SYCE2: variants seen among roughly 807,000 people sequenced by gnomAD.
The protein encoded by SYCE2 is synaptonemal complex central element protein 2.
Under a neutral mutation model 27.9 loss-of-function variants are expected in SYCE2, and 3 were observed. That is an observed-to-expected ratio of 0.11 (90% CI 0.05 to 0.28). The LOEUF (loss-of-function observed/expected upper bound fraction) is 0.28. Among genes scored for constraint, SYCE2 ranks in the 10% least tolerant of loss-of-function variants. The probability of loss-of-function intolerance (pLI) is 1.00; values close to 1 mark genes in which losing one functional copy is unlikely to be tolerated. For missense variants in SYCE2, 207 were observed against 263.5 expected, an observed-to-expected ratio of 0.79 and a Z score of 1.48; for synonymous variants, 85 against 100.7, an observed-to-expected ratio of 0.84 and a Z score of 0.93.
intron 2 of SYCE2, among the ~76,000 whole-genome samples, chr19:12,917,945 C>G (rs1464318850): frequency 1.3e-5 from 2 of 152,100 alleles, no homozygotes; most frequent in Non-Finnish European, 2.9e-5. Flanking sequence ...AGGTGTGAAC[C>G]ACTGCACCTG....
In SYCE2 at chr19:12,914,734, C is replaced by T. The variant is rs572998554; in HGVS notation, c.131+3488G>A. ...AAGCGATTCTCCTGCCTAACCCTCC[C>T]AAGTAGCTGGGATTACAGGCATGCA... On this transcript the variant is annotated intron_variant, in intron 2 of 5. Coordinates refer to ENST00000293695, the MANE Select transcript of SYCE2 (RefSeq NM_001105578.2). 2.8e-4 allele frequency among the ~76,000 whole-genome samples: 42 copies of T among 152,304 alleles called. 1 individual carries two copies. In the East Asian group the frequency reaches 6.2e-3, roughly 22 times the overall value.
intron 2 of SYCE2, 32 bp downstream of exon 2, chr19:12,918,190 G>T: frequency 6.4e-7 from 1 of 1,570,606 alleles, no homozygotes; most frequent in South Asian, 1.1e-5. Context: ...CCAGGGGCCT[G>T]TGTAGACCCA....
At chr19:12,906,392 AC>A (rs1970935041) in intron 2 of SYCE2, among the ~76,000 whole-genome samples, 1 of 152,238 alleles carries the variant, frequency 6.6e-6, no homozygotes, top group Admixed American at 6.5e-5. Context: ...TATTGTGTTA[AC>A]AAGTGAAATA....
At chr19:12,902,674 C>T (rs911568690) in intron 3 of SYCE2, among the ~76,000 whole-genome samples, 1 of 151,832 alleles carries the variant, frequency 6.6e-6, no homozygotes, top group Non-Finnish European at 1.5e-5. Context: ...GTGAGCCGGG[C>T]ATGATGTTGC....
At chr19:12,905,770 TG>T (rs1970923042) in intron 2 of SYCE2, among the ~76,000 whole-genome samples, 1 of 152,084 alleles carries the variant, frequency 6.6e-6, no homozygotes. Flanking sequence ...CCTGAATAGG[TG>T]GGACTACAAG....
chr19:12,903,396 C>CT (rs1280694858), intron 3 of SYCE2, among the ~76,000 whole-genome samples: 7,444 of 124,868 alleles, frequency 0.06, 675 homozygotes, highest in African/African-American at 0.2. Context: ...CGGCCCTCTT[C>CT]TTTTTTTTTT....
At chr19:12,919,184 C>G in intron 1 of SYCE2, 59 bp downstream of exon 1, 1 of 1,601,936 alleles carries the variant, frequency 6.2e-7, no homozygotes, top group Non-Finnish European at 8.5e-7. Context: ...GGATCGCAGC[C>G]GTTCCCTGCC....
chr19:12,913,929 G>A (rs1463860999), intron 2 of SYCE2: 1 of 152,226 alleles, frequency 6.6e-6, no homozygotes, highest in Admixed American at 6.5e-5. Flanking sequence ...GGAGAGGGAA[G>A]CTGGCTTGCT....
At position 12,899,068 on chromosome 19, in the gene SYCE2, A is replaced by G; in HGVS notation, c.*273T>C. On this transcript the variant is annotated 3_prime_UTR_variant, in exon 6 of 6. Transcript: ENST00000293695. The stretch of plus-strand genomic sequence containing the variant: ...GTGCTTTCAGCCTCTGTGGCAAGGA[A>G]GCGTGGCCAGGTTGAAAATCAAACA... 1 of 498,952 alleles carries G rather than the reference A, an allele frequency of 2.0e-6. No individual in the cohort carries two copies. The highest frequency in any genetic ancestry group is 3.6e-6 in the Non-Finnish European group (1 of 275,056). 30.9% of individuals were successfully genotyped at this position (498,952 alleles called of 1,614,324 possible). A position where few individuals can be genotyped will look rare whatever the true frequency, so the allele number is the denominator to read the frequency against.
chr19:12,916,680 C>T (rs1269471875), intron 2 of SYCE2, among the ~76,000 whole-genome samples: 7 of 152,196 alleles, frequency 4.6e-5, no homozygotes, highest in African/African-American at 7.2e-5. Context: ...ACTGCAGCCT[C>T]GACCTCCCAG....
intron 5 of SYCE2, chr19:12,899,633 G>C: frequency 6.2e-7 from 1 of 1,612,734 alleles, no homozygotes; most frequent in Non-Finnish European, 8.5e-7. Context: ...GCTTAGAAAG[G>C]GAGGTGGCGG....
intron 3 of SYCE2, among the ~76,000 whole-genome samples, chr19:12,902,815 A>T (rs1000793896): frequency 6.6e-6 from 1 of 152,114 alleles, no homozygotes; most frequent in Admixed American, 6.6e-5. Context: ...TTGTCTCAAA[A>T]AAAAAGAAAA....
intron 3 of SYCE2, among the ~76,000 whole-genome samples, chr19:12,902,408 C>T (rs1970855710): frequency 6.6e-6 from 1 of 152,048 alleles, no homozygotes; most frequent in South Asian, 2.1e-4. Context: ...GAGGCCAAGG[C>T]AGCAGGGTGA....
At chr19:12,913,095 G>A (rs931192133) in intron 2 of SYCE2, among the ~76,000 whole-genome samples, 8 of 152,230 alleles carry the variant, frequency 5.3e-5, no homozygotes, top group African/African-American at 1.9e-4. Flanking sequence ...ATGCAAGTCA[G>A]CCCAACACAG....
At position 12,899,148 on chromosome 19, in the gene SYCE2, G is replaced by A. The variant is rs933926888; in HGVS notation, c.*193C>T. On this transcript the variant is annotated 3_prime_UTR_variant, in exon 6 of 6. Transcript: ENST00000293695. ...AGAACTTGCCAAGGGTGGGGAGCAC[G>A]AAGCCTGGGCCTATGGCAGGGGCTG... is the stretch of plus-strand genomic sequence containing the variant. 2.5e-5 allele frequency: 15 copies of A among 601,366 alleles called. No individual in the cohort carries two copies. The highest frequency in any genetic ancestry group is 1.2e-4 in the Admixed American group (4 of 34,382). The allele number at this position is 601,366 out of a possible 1,614,324, so 37.3% of individuals were successfully genotyped here. A position where few individuals can be genotyped will look rare whatever the true frequency, so the allele number is the denominator to read the frequency against.
chr19:12,899,257 A>C lies in SYCE2; in HGVS notation c.*84T>G. ...CAAGATGCATTATAGAACCATGAAA[A>C]ACAATTTCTCAGTGTGGCCCAAATG... On this transcript the variant is annotated 3_prime_UTR_variant, in exon 6 of 6. Transcript: ENST00000293695. The C allele has an allele frequency of 7.8e-7, 1 of 1,282,712 alleles. No individual in the cohort carries two copies. The highest frequency in any genetic ancestry group is 1.1e-6 in the Non-Finnish European group (1 of 882,106). 79.5% of individuals were successfully genotyped at this position (1,282,712 alleles called of 1,614,324 possible).
chr19:12,912,502 C>T (rs1971065644), intron 2 of SYCE2, among the ~76,000 whole-genome samples: 1 of 152,162 alleles, frequency 6.6e-6, no homozygotes, highest in African/African-American at 2.4e-5. Flanking sequence ...TGCAGCACCC[C>T]AAAGGTTTCA....
intron 3 of SYCE2, among the ~76,000 whole-genome samples, chr19:12,903,244 A>C (rs1358378741): frequency 6.6e-6 from 1 of 151,652 alleles, no homozygotes; most frequent in African/African-American, 2.4e-5. Context: ...GGCGCCCGCC[A>C]CCACGCCCAG....
chr19:12,918,148 C>T, intron 2 of SYCE2, 74 bp downstream of exon 2: 1 of 1,285,850 alleles, frequency 7.8e-7, no homozygotes, highest in Non-Finnish European at 1.1e-6. Flanking sequence ...ACTGGCATAG[C>T]CTTGTGGAAG....
Sources: gnomAD v4.1 joint callset for allele counts (sites outside exome capture counted in the v4.1 genomes callset) on GRCh38, gnomAD v4.1.1 for gene constraint, MANE v1.5 for transcripts, NCBI Gene and HGNC (gene_info 2026-07-23, HGNC 2026-07-21) for gene names.